NLRP4: variants seen among roughly 807,000 people sequenced by gnomAD.
NLRP4 encodes the protein NACHT, LRR and PYD domains-containing protein 4.
Under a neutral mutation model 84.7 loss-of-function variants are expected in NLRP4, and 44 were observed. That is an observed-to-expected ratio of 0.52 (90% CI 0.41 to 0.67). The LOEUF (loss-of-function observed/expected upper bound fraction) is 0.67. NLRP4 is among the 30% of genes least tolerant of loss of function. NLRP4 has a pLI of 0.00. For missense variants in NLRP4, 1,260 were observed against 1,219.4 expected (o/e 1.03, Z -0.50); for synonymous variants, 544 against 476.4 (o/e 1.14, Z -1.85).
rs150298896 is a variant in NLRP4, at chr19:55,868,444, C to T, written c.2354+568C>T. 3.7e-3 allele frequency among the ~76,000 whole-genome samples: 561 copies of T among 151,524 alleles called. 7 individuals are homozygous for T. Among genetic ancestry groups the T allele is most frequent in the East Asian group, 0.025 (127 of 5,158 alleles). On this transcript the variant is annotated intron_variant, in intron 6 of 9. Transcript: ENST00000301295. ...TTTACCTATTAATGGAATTCTAATA[C>T]CTTTAGGTGATACTTATACAAAAGG...
chr19:55,859,213 A>T lies in NLRP4; in HGVS notation c.1820A>T (p.Gln607Leu), dbSNP rs1984615291. Reference sequence around the variant, plus strand: ...TTGAGGAAACTCTGTTTTTCCGTTCAAAATGTCTTTAAGAAAGAGGATGAA... The same window carrying T: ...TTGAGGAAACTCTGTTTTTCCGTTCTAAATGTCTTTAAGAAAGAGGATGAA... ...SSLRKLCFSV[Q>L]NVFKKEDEHS... Residue 607 changes from glutamine to leucine, a missense_variant, in exon 3 of 10, where the codon CAA (glutamine) becomes CTA (leucine). Gln to Leu is a moderately radical substitution (Grantham distance 113, BLOSUM62 -2). Transcript: ENST00000301295. The T allele has an allele frequency of 6.2e-7, 1 of 1,606,200 alleles. No individual in the cohort carries two copies. The highest frequency in any genetic ancestry group is 8.5e-7 in the Non-Finnish European group (1 of 1,173,296).
intron 1 of NLRP4, among the ~76,000 whole-genome samples, chr19:55,850,889 C>A (rs1296845659): frequency 3.1e-4 from 22 of 70,402 alleles, no homozygotes; most frequent in Non-Finnish European, 4.7e-4. Context: ...GGTGTAATGT[C>A]CGTGGCTGCG....
intron 1 of NLRP4, among the ~76,000 whole-genome samples, chr19:55,841,618 T>G (rs1983616639): frequency 6.6e-6 from 1 of 152,162 alleles, no homozygotes; most frequent in Admixed American, 6.6e-5. Flanking sequence ...ATCCCAGCAC[T>G]TTGGGAGGCC....
chr19:55,850,111 GTAGCTGCGGTGTAATT>G (rs1984007623), intron 1 of NLRP4, among the ~76,000 whole-genome samples: 4 of 135,060 alleles, frequency 3.0e-5, no homozygotes, highest in Admixed American at 2.1e-4. Flanking sequence ...TGTAATTACC[GTAGCTGCGGTGTAATT>G]TCCGTGGCTG....
intron 4 of NLRP4, 87 bp from the exon 5 acceptor site, chr19:55,861,905 C>A: frequency 1.1e-6 from 1 of 924,684 alleles, no homozygotes; most frequent in Non-Finnish European, 1.8e-6. Context: ...AGAATGAGTT[C>A]ATGATGGATG....
rs1247932866 is a variant in NLRP4 at position 55,862,173 on chromosome 19, T to G, written c.2186+14T>G. On this transcript the variant is annotated intron_variant, in intron 5 of 9. Transcript: ENST00000301295. Reference sequence around the variant, plus strand: ...CAAAGAGCTAGCGTAAGTCTCCGTTTATTGAGACCACTGATTGGGTTTCAG... The same window carrying G: ...CAAAGAGCTAGCGTAAGTCTCCGTTGATTGAGACCACTGATTGGGTTTCAG... 1 of 1,595,718 alleles carries G rather than the reference T, an allele frequency of 6.3e-7. No individual in the cohort carries two copies. The highest frequency in any genetic ancestry group is 1.7e-5 in the Admixed American group (1 of 58,718).
At position 55,847,820 on chromosome 19, in the gene NLRP4, C is replaced by T. The variant is rs939908525; in HGVS notation, c.-65-4196C>T. Among the ~76,000 whole-genome samples the T allele has an allele frequency of 3.1e-4, 47 of 150,866 alleles. 1 individual carries two copies. Among genetic ancestry groups the T allele is most frequent in the South Asian group, 2.1e-4 (1 of 4,742 alleles). On this transcript the variant is annotated intron_variant, in intron 1 of 9. Coordinates refer to ENST00000301295, the MANE Select transcript of NLRP4 (RefSeq NM_134444.5). ...ACCTCTGCCTCCCGGGTTCAAGTGA[C>T]TCTCCTGCCTCAGCCTCCTGAGTAG...
intron 2 of NLRP4, among the ~76,000 whole-genome samples, chr19:55,856,274 G>A (rs58077503): frequency 0.23 from 34,410 of 151,726 alleles, 4,830 homozygotes; most frequent in East Asian, 0.43. Context: ...GATTATAGGC[G>A]TGAGCCACTG....
rs530838759 is a variant in NLRP4, at chr19:55,850,787, T to G, written c.-65-1229T>G. ...GTAATTTCCGAGGCTGCGGTGTAAT[T>G]CCCGAGGCTGCGGTGTAATTTCCGA... On this transcript the variant is annotated intron_variant, in intron 1 of 9. Coordinates refer to ENST00000301295, the MANE Select transcript of NLRP4 (RefSeq NM_134444.5). Among the ~76,000 whole-genome samples the G allele has an allele frequency of 5.0e-3, 377 of 75,682 alleles. 13 individuals are homozygous for G. Among genetic ancestry groups the G allele is most frequent in the Non-Finnish European group, 6.3e-3 (264 of 41,686 alleles). The allele number at this position is 75,682 out of a possible 152,430, so 49.7% of individuals were successfully genotyped here.
intron 1 of NLRP4, among the ~76,000 whole-genome samples, chr19:55,851,637 TGCGGTGTAATGTCC>T (rs1984150870): frequency 7.4e-6 from 1 of 134,878 alleles, no homozygotes; most frequent in Non-Finnish European, 1.7e-5. Context: ...TGTCCGAGGC[TGCGGTGTAATGTCC>T]GAGGCTGCGG....
intron 6 of NLRP4, 131 bp from the exon 7 acceptor site, chr19:55,870,696 A>G: frequency 1.6e-6 from 1 of 635,342 alleles, no homozygotes; most frequent in Non-Finnish European, 2.7e-6. Flanking sequence ...GTTTTCAGAT[A>G]ATCCAGAACT....
At position 55,870,867 on chromosome 19, in the gene NLRP4, A is replaced by G. The variant is rs139150715; in HGVS notation, c.2395A>G (p.Ile799Val). 62 of 1,614,002 alleles carry G rather than the reference A, an allele frequency of 3.8e-5. No individual in the cohort carries two copies. Among genetic ancestry groups the G allele is most frequent in the Admixed American group, 1.3e-4 (8 of 59,992 alleles). ...CCTCAGCGAGCAGTGCTGCGAATAC[A>G]TCTCTGAAATGCTTCTGCGTAACAA... The part of the protein sequence containing the change: ...CHLSEQCCEY[I>V]SEMLLRNKSV... The change falls in exon 7 of 10, where the codon ATC (isoleucine) becomes GTC (valine). Residue 799 changes from isoleucine to valine, a missense_variant. This residue lies in a region of NLRP4 where 544 missense variants were observed against 531.7 expected (regional missense o/e 1.02). Coordinates refer to ENST00000301295, the MANE Select transcript of NLRP4 (RefSeq NM_134444.5).
rs1984505424 is a variant in NLRP4 at position 55,857,797 on chromosome 19, T to C, written c.404T>C (p.Leu135Ser). ...EEVKQEECDHLDRLFAPKEAG... is the reference protein window; with the variant it reads ...EEVKQEECDHSDRLFAPKEAG... ...GTCAAGCAAGAAGAATGTGACCATT[T>C]GGACCGCCTTTTTGCTCCCAAGGAA... The change falls in exon 3 of 10, where the codon TTG (leucine) becomes TCG (serine). Residue 135 changes from leucine (L) to serine (S), a missense_variant. This residue lies in a region of NLRP4 where 712 missense variants were observed against 669.2 expected (regional missense o/e 1.06). Coordinates refer to ENST00000301295, the MANE Select transcript of NLRP4 (RefSeq NM_134444.5). The C allele has an allele frequency of 1.2e-6, 2 of 1,614,146 alleles. No individual in the cohort carries two copies. The highest frequency in any genetic ancestry group is 1.7e-6 in the Non-Finnish European group (2 of 1,179,992).
At chr19:55,854,126 C>G (rs925923557) in intron 2 of NLRP4, among the ~76,000 whole-genome samples, 1 of 152,002 alleles carries the variant, frequency 6.6e-6, no homozygotes, top group Admixed American at 6.6e-5. Flanking sequence ...CCCGCCACCA[C>G]ACCCGGCTAA....
intron 6 of NLRP4, among the ~76,000 whole-genome samples, chr19:55,869,635 A>G (rs957848140): frequency 2.7e-4 from 41 of 152,334 alleles, no homozygotes; most frequent in Middle Eastern, 3.4e-3. Context: ...TGATGGTTAT[A>G]TATTGCCAAC....
chr19:55,867,168 C>T (rs1276277588), intron 5 of NLRP4, among the ~76,000 whole-genome samples: 12 of 148,118 alleles, frequency 8.1e-5, no homozygotes, highest in Non-Finnish European at 1.5e-5. Context: ...AGACCATAAG[C>T]CAAGCATGCA....
chr19:55,873,378 G>A (rs146652859), intron 7 of NLRP4, among the ~76,000 whole-genome samples: 3 of 152,008 alleles, frequency 2.0e-5, no homozygotes, highest in East Asian at 1.9e-4. Context: ...AAAAATTCCC[G>A]ATCCAAAAAA....
At chr19:55,844,813 A>C (rs765961176) in intron 1 of NLRP4, among the ~76,000 whole-genome samples, 2 of 152,114 alleles carry the variant, frequency 1.3e-5, no homozygotes, top group Admixed American at 6.6e-5. Context: ...GGGGACATAC[A>C]TTGGATGCAG....
chr19:55,864,537 G>T (rs995292462), intron 5 of NLRP4, among the ~76,000 whole-genome samples: 2 of 152,146 alleles, frequency 1.3e-5, no homozygotes, highest in African/African-American at 4.8e-5. Context: ...ACACTCATGT[G>T]TGAACACCTG....
Sources: gnomAD v4.1 joint callset for allele counts (sites outside exome capture counted in the v4.1 genomes callset) on GRCh38, gnomAD v4.1.1 for gene constraint, gnomAD v4.1.1 regional missense constraint, MANE v1.5 for transcripts, NCBI Gene and HGNC (gene_info 2026-07-23, HGNC 2026-07-21) for gene names.